Variants in CACNA1H observed in about 807,000 individuals in gnomAD.
CACNA1H encodes calcium voltage-gated channel subunit alpha1 H.
A neutral mutation model predicts 192.5 loss-of-function variants in CACNA1H; 149 were observed. That is an observed-to-expected ratio of 0.77 (90% CI 0.68 to 0.89). The LOEUF (loss-of-function observed/expected upper bound fraction) is 0.89, where lower values mean the gene tolerates loss of function less well. CACNA1H is among the 40% of genes least tolerant of loss of function. The pLI is 0.00. For synonymous variants in CACNA1H, 2,202 were observed against 1,475.2 expected (o/e 1.49, Z -11.29); for missense variants, 4,257 against 3,423.5 (o/e 1.24, Z -6.08).
rs752780399 is a variant in CACNA1H, at chr16:1,201,904, G to A, written c.1454G>A (p.Arg485His). ...CGCCTCTACGCCCGCTGGCAGAGCC[G>A]CTGGCGCAAGAAGGTGGACCCCAGT... ...SLRLYARWQS[R>H]WRKKVDPSAV... Residue 485 changes from arginine (R) to histidine (H), a missense_variant, in exon 9 of 35, where the codon CGC (arginine) becomes CAC (histidine). Arg to His is a conservative substitution (Grantham distance 29). Transcript: ENST00000348261. 1.9e-5 allele frequency: 30 copies of A among 1,550,340 alleles called. No homozygotes were observed. Among genetic ancestry groups the A allele is most frequent in the African/African-American group, 1.4e-4 (10 of 73,056 alleles).
In CACNA1H at chr16:1,217,956, G is replaced by T. The variant is rs1235090751; in HGVS notation, c.5361G>T (p.Arg1787Ser). The T allele has an allele frequency of 1.9e-6, 3 of 1,605,622 alleles. No individual in the cohort carries two copies. In the East Asian group the frequency reaches 6.7e-5, roughly 36 times the overall value. ...ACAACCCCTGCGAGGGCCTGAGCAG[G>T]CACGCCACCTTCAGCAACTTCGGCA... ...SEDNPCEGLS[R>S]HATFSNFGMA... The change falls in exon 32 of 35, where the codon AGG becomes AGT. Residue 1787 changes from arginine to serine, a missense_variant. Physicochemically the swap from Arg to Ser is moderately radical, Grantham distance 110. Coordinates refer to ENST00000348261, the MANE Select transcript of CACNA1H (RefSeq NM_021098.3).
intron 8 of CACNA1H, 112 bp downstream of exon 8, chr16:1,200,920 G>A (rs1246009600): frequency 3.2e-5 from 25 of 784,688 alleles, no homozygotes; most frequent in South Asian, 9.1e-5. Context: ...CAGCTGAAGG[G>A]AGCACACAGG....
chr16:1,156,446 T>A (rs1330599713), intron 2 of CACNA1H, among the ~76,000 whole-genome samples: 1 of 152,160 alleles, frequency 6.6e-6, no homozygotes, highest in Non-Finnish European at 1.5e-5. Context: ...GGGGATTGGC[T>A]GAGCCGGGGA....
rs2745166 is a variant in CACNA1H at position 1,209,456 on chromosome 16, G to C, written c.3744+44G>C. On this transcript the variant is annotated intron_variant, in intron 17 of 34. Transcript: ENST00000348261. The stretch of plus-strand genomic sequence containing the variant: ...GCCCACCGCCGACTCGCCTTCGTCT[G>C]TCTGGGGCAGGTTCCCTCAAGTGGG... The C allele has an allele frequency of 0.13, 200,144 of 1,583,190 alleles. 14,495 individuals carry two copies. The highest frequency in any genetic ancestry group is 0.24 in the South Asian group (21,938 of 90,224).
chr16:1,218,630 T>C lies in CACNA1H; in HGVS notation c.5866T>C (p.Tyr1956His). The change falls in exon 33 of 35, where the codon TAT becomes CAT. Residue 1956 changes from tyrosine to histidine, a missense_variant. Tyr to His is a moderately conservative substitution (Grantham distance 83). Transcript: ENST00000348261. ...RPLQEVEMETYGAGTPLGSVA... is the reference protein window; with the variant it reads ...RPLQEVEMETHGAGTPLGSVA... The stretch of plus-strand genomic sequence containing the variant: ...GCTGCAGGAGGTGGAGATGGAGACC[T>C]ATGGGGCCGGCACCCCCTTGGGTAT... 6.4e-7 allele frequency: 1 copy of C among 1,553,310 alleles called. No homozygotes were observed.
Position 1,181,683 on chromosome 16 carries a change from G to A in CACNA1H, c.300-13289G>A, listed in dbSNP as rs115955944. Reference sequence around the variant, plus strand: ...GCTTTTAAAATTGTGCGCAGTTAGAGGGAGCTGTCCGCGTGTGCTCCAGCT... The same window carrying A: ...GCTTTTAAAATTGTGCGCAGTTAGAAGGAGCTGTCCGCGTGTGCTCCAGCT... On this transcript the variant is annotated intron_variant, in intron 2 of 34. Coordinates refer to ENST00000348261, the MANE Select transcript of CACNA1H (RefSeq NM_021098.3). Among the ~76,000 whole-genome samples, 964 of 152,340 alleles carry A rather than the reference G, an allele frequency of 6.3e-3. 16 individuals are homozygous for A. Among genetic ancestry groups the A allele is most frequent in the African/African-American group, 0.022 (917 of 41,576 alleles).
intron 2 of CACNA1H, among the ~76,000 whole-genome samples, chr16:1,166,877 G>GGGCC (rs1963841599): frequency 6.6e-6 from 1 of 152,192 alleles, no homozygotes; most frequent in South Asian, 2.1e-4. Flanking sequence ...TGGCGCTGCC[G>GGGCC]GGCCGTCCCT....
Position 1,195,948 on chromosome 16 carries a change from G to C in CACNA1H, c.568G>C (p.Gly190Arg). 6.2e-7 allele frequency: 1 copy of C among 1,613,040 alleles called. No homozygotes were observed. The change falls in exon 5 of 35, where the codon GGA becomes CGA. Residue 190 changes from glycine to arginine, a missense_variant. Gly to Arg is a moderately radical substitution (Grantham distance 125, BLOSUM62 -2). Coordinates refer to ENST00000348261, the MANE Select transcript of CACNA1H (RefSeq NM_021098.3). Reference protein sequence around the residue: ...VAGMMEYSLDGHNVSLSAIRT... With the variant: ...VAGMMEYSLDRHNVSLSAIRT... The stretch of plus-strand genomic sequence containing the variant: ...CAGCATGATGGAGTACTCGTTGGAC[G>C]GACACAACGTGAGCCTCTCGGCTAT...
chr16:1,171,976 G>A (rs368822222), intron 2 of CACNA1H, among the ~76,000 whole-genome samples: 1 of 152,244 alleles, frequency 6.6e-6, no homozygotes, highest in Non-Finnish European at 1.5e-5. Flanking sequence ...GTCCAAGTGC[G>A]GCATGGGGTT....
intron 2 of CACNA1H, among the ~76,000 whole-genome samples, chr16:1,191,069 A>C (rs1424622595): frequency 1.1e-4 from 13 of 118,334 alleles, no homozygotes; most frequent in East Asian, 6.0e-4. Context: ...GTGTGGCCTC[A>C]GGCACACTCG....
intron 2 of CACNA1H, among the ~76,000 whole-genome samples, chr16:1,161,302 G>C (rs1480423328): frequency 6.6e-6 from 1 of 152,224 alleles, no homozygotes; most frequent in Non-Finnish European, 1.5e-5. Flanking sequence ...GCCGGTGGCA[G>C]AGGTGGGGGC....
chr16:1,212,331 AGAG>A (rs1969551130), intron 25 of CACNA1H, among the ~76,000 whole-genome samples, 177 bp from the exon 26 acceptor site: 1 of 151,854 alleles, frequency 6.6e-6, no homozygotes, highest in African/African-American at 2.4e-5. Context: ...CCATGGCAGG[AGAG>A]GAGGAGACAC....
Position 1,210,350 on chromosome 16 carries a change from A to AACCCCC in CACNA1H, c.3846-20_3846-19insACCCCC. 3.2e-6 allele frequency: 1 copy of AACCCCC among 313,944 alleles called. No homozygotes were observed. The highest frequency in any genetic ancestry group is 4.6e-6 in the Non-Finnish European group (1 of 215,956). The allele number at this position is 313,944 out of a possible 1,614,324, so 19.4% of individuals were successfully genotyped here. ...TCCACGCCGCCCCGCCCCACCTCTCACCCGCCCCCGCCCACCCAGGTTCCG... is the reference window on the plus strand; with the variant it reads ...TCCACGCCGCCCCGCCCCACCTCTCAACCCCCCCCGCCCCCGCCCACCCAGGTTCCG... On this transcript the variant is annotated intron_variant, in intron 18 of 34. Transcript: ENST00000348261.
At chr16:1,156,380 T>C (rs370466195) in intron 2 of CACNA1H, among the ~76,000 whole-genome samples, 1 of 151,466 alleles carries the variant, frequency 6.6e-6, no homozygotes, top group Non-Finnish European at 1.5e-5. Context: ...GTAGCGAGGG[T>C]GTGTGTCCTG....
At position 1,204,160 on chromosome 16, in the gene CACNA1H, A is replaced by G. The variant is rs538923520; in HGVS notation, c.2153A>G (p.Glu718Gly). Residue 718 changes from glutamate (E) to glycine (G), a missense_variant, in exon 10 of 35, where the codon GAA becomes GGA. Glu to Gly is a moderately conservative substitution (Grantham distance 98). Transcript: ENST00000348261. ...CCGGAGGGTGAGCTCAGCGGCTCGG[A>G]AAGTGGAGACTCAGATGGCCGTGGC... ...EDPEGELSGS[E>G]SGDSDGRGVY... 3.2e-5 allele frequency: 51 copies of G among 1,612,174 alleles called. No homozygotes were observed. In the Admixed American group the frequency reaches 8.2e-4, roughly 26 times the overall value.
intron 2 of CACNA1H, among the ~76,000 whole-genome samples, chr16:1,164,780 C>A (rs1383425084): frequency 2.0e-5 from 3 of 152,200 alleles, no homozygotes; most frequent in Non-Finnish European, 4.4e-5. Flanking sequence ...GGTGGTGCTG[C>A]CCTCACTGGC....
Position 1,213,848 on chromosome 16 carries a change from A to T in CACNA1H, c.4846A>T (p.Ser1616Cys). 6.2e-7 allele frequency: 1 copy of T among 1,607,626 alleles called. No homozygotes were observed. The highest frequency in any genetic ancestry group is 1.1e-5 in the South Asian group (1 of 89,780). The change falls in exon 27 of 35, where the codon AGC becomes TGC. Residue 1616 changes from serine to cysteine, a missense_variant. By Grantham distance (112) the Ser-to-Cys change is moderately radical. Transcript: ENST00000348261. Reference protein sequence around the residue: ...TRRSIHSLCTSHYLDLFITFI... With the variant: ...TRRSIHSLCTCHYLDLFITFI... ...CCGCTCCATTCACTCGCTGTGCACC[A>T]GCCACTATCTCGACCTCTTCATCAC...
At chr16:1,216,110 A>G (rs956317232) in intron 30 of CACNA1H, among the ~76,000 whole-genome samples, 2 of 151,996 alleles carry the variant, frequency 1.3e-5, no homozygotes, top group Non-Finnish European at 2.9e-5. Flanking sequence ...GTGTCCGTCC[A>G]TCCACCAGCC....
rs1474133786 is a variant in CACNA1H at position 1,178,838 on chromosome 16, C to G, written c.300-16134C>G. Among the ~76,000 whole-genome samples the G allele has an allele frequency of 5.3e-5, 8 of 152,350 alleles. No individual in the cohort carries two copies. In the East Asian group the frequency reaches 1.4e-3, roughly 26 times the overall value. Reference sequence around the variant, plus strand: ...GATGTGGCGGAGTGGCCGGGGCAGGCAGGTGTGGCTGCCAGGGCAGAGGAA... The same window carrying G: ...GATGTGGCGGAGTGGCCGGGGCAGGGAGGTGTGGCTGCCAGGGCAGAGGAA... On this transcript the variant is annotated intron_variant, in intron 2 of 34. Coordinates refer to ENST00000348261, the MANE Select transcript of CACNA1H (RefSeq NM_021098.3).
Sources: allele counts gnomAD v4.1 joint callset (sites outside exome capture counted in the v4.1 genomes callset), GRCh38; gene constraint gnomAD v4.1.1; transcripts MANE v1.5; gene names NCBI Gene and HGNC (gene_info 2026-07-23, HGNC 2026-07-21).